EZH1: variants seen among roughly 807,000 people sequenced by gnomAD.
EZH1 encodes enhancer of zeste 1 polycomb repressive complex 2 subunit.
EZH1 carries 33 observed loss-of-function variants against 100.5 expected under a neutral mutation model. The observed-to-expected ratio is 0.33, with a 90% CI of 0.25 to 0.44. EZH1 has a LOEUF of 0.44. Among genes scored for constraint, EZH1 ranks in the 20% least tolerant of loss-of-function variants. The probability of loss-of-function intolerance (pLI) is 1.00; values close to 1 mark genes in which losing one functional copy is unlikely to be tolerated. For missense variants in EZH1, 475 were observed against 928.4 expected (o/e 0.51, Z 6.35); for synonymous variants, 272 against 313.8 (o/e 0.87, Z 1.41).
chr17:42,728,331 C>G (rs1429328335), intron 3 of EZH1, among the ~76,000 whole-genome samples: 3 of 145,010 alleles, frequency 2.1e-5, no homozygotes, highest in African/African-American at 7.7e-5. Flanking sequence ...ACAGGCTGGT[C>G]TCGAACTCCT....
rs1183408426 is a variant in EZH1 at position 42,718,416 on chromosome 17, A to C, written c.931+38T>G. On this transcript the variant is annotated intron_variant, in intron 9 of 20. Transcript: ENST00000428826. This position sits in a 1 kb window ranked among gnomAD's most constrained non-coding sequence, Gnocchi z 4.2. The stretch of plus-strand genomic sequence containing the variant: ...GAAGGAAATGGTGGCTGGGGATGGA[A>C]GAGAGGAGAGCATTTCAAACAGAGT... 1 of 1,609,370 alleles carries C rather than the reference A, an allele frequency of 6.2e-7. No homozygotes were observed. Among genetic ancestry groups the C allele is most frequent in the Non-Finnish European group, 8.5e-7 (1 of 1,177,774 alleles).
chr17:42,728,811 G>A lies in EZH1; in HGVS notation c.117+14C>T. The A allele has an allele frequency of 6.2e-7, 1 of 1,609,996 alleles. No individual in the cohort carries two copies. Among genetic ancestry groups the A allele is most frequent in the South Asian group, 1.1e-5 (1 of 90,240 alleles). On this transcript the variant is annotated intron_variant, in intron 3 of 20. Coordinates refer to ENST00000428826, the MANE Select transcript of EZH1 (RefSeq NM_001991.5). The stretch of plus-strand genomic sequence containing the variant: ...TTGAAATATATAAACTTTCACTTGG[G>A]AATTATTTTTTACCTTTGCACCCAT...
chr17:42,713,393 C>T lies in EZH1; in HGVS notation c.1024-4G>A, dbSNP rs2053528105. The T allele has an allele frequency of 6.3e-7, 1 of 1,589,572 alleles. No individual in the cohort carries two copies. Among genetic ancestry groups the T allele is most frequent in the Non-Finnish European group, 8.6e-7 (1 of 1,160,988 alleles). ...TGGCATACTCCTTTGCTCCTTCCTG[C>T]AGTGGACACATTACAGACAGGAAAT... On this transcript the variant is annotated splice_polypyrimidine_tract_variant and splice_region_variant and intron_variant, in intron 10 of 20. Transcript: ENST00000428826.
At chr17:42,704,543 G>C in intron 18 of EZH1, 59 bp downstream of exon 18, 1 of 1,403,074 alleles carries the variant, frequency 7.1e-7, no homozygotes, top group Non-Finnish European at 9.9e-7. Context: ...GCAAGACTCC[G>C]TCTCAAAAAA....
Position 42,713,334 on chromosome 17 carries a change from C to T in EZH1, c.1079G>A (p.Arg360His). ...LHNPRSKCSG[R>H]RRRRHHIVSA... ...GACTATGTGGTGCCTTCTCCGGCGA[C>T]GACCAGAGCACTTGGAGCGGGGGTT... is the stretch of plus-strand genomic sequence containing the variant. The change falls in exon 11 of 21, where the codon CGT (arginine) becomes CAT (histidine). Residue 360 changes from arginine (R) to histidine (H), a missense_variant. By Grantham distance (29) the Arg-to-His change is conservative. Around this residue, in one of 8 missense-constraint regions of EZH1, gnomAD observed 180 missense variants for 295.3 expected, o/e 0.61. Transcript: ENST00000428826. 1 of 1,612,056 alleles carries T rather than the reference C, an allele frequency of 6.2e-7. No homozygotes were observed. The highest frequency in any genetic ancestry group is 8.5e-7 in the Non-Finnish European group (1 of 1,178,250).
rs1252172630 is a variant in EZH1 at position 42,722,848 on chromosome 17, G to T, written c.434C>A (p.Thr145Asn). 1.9e-6 allele frequency: 3 copies of T among 1,613,950 alleles called. No homozygotes were observed. In the Admixed American group the frequency reaches 5.0e-5, roughly 27 times the overall value. The change falls in exon 6 of 21, where the codon ACT becomes AAT. Residue 145 changes from threonine (T) to asparagine (N), a missense_variant. Physicochemically the swap from Thr to Asn is moderately conservative, Grantham distance 65 (BLOSUM62 0). Coordinates refer to ENST00000428826, the MANE Select transcript of EZH1 (RefSeq NM_001991.5). ...GTTATTGATCAGCTCCTCAATAAAAGTCTCATCTTCTTCTTTCACTTCATC... is the reference window on the plus strand; with the variant it reads ...GTTATTGATCAGCTCCTCAATAAAATTCTCATCTTCTTCTTTCACTTCATC... ...MGDEVKEEDE[T>N]FIEELINNYD...
At position 42,718,964 on chromosome 17, in the gene EZH1, G is replaced by C. The variant is rs1377354663; in HGVS notation, c.767+141C>G. ...AAGGGGGGCATTTAGAGGTAATTGAGTAAGCAAGAAATAATCAAATTGCGG... is the reference window on the plus strand; with the variant it reads ...AAGGGGGGCATTTAGAGGTAATTGACTAAGCAAGAAATAATCAAATTGCGG... On this transcript the variant is annotated intron_variant, in intron 8 of 20. Coordinates refer to ENST00000428826, the MANE Select transcript of EZH1 (RefSeq NM_001991.5). The surrounding 1 kb of genome is among the most constrained non-coding windows in gnomAD (Gnocchi z 4.2). The C allele has an allele frequency of 5.9e-6, 4 of 680,806 alleles. No homozygotes were observed. In the South Asian group the frequency reaches 7.2e-5, roughly 12 times the overall value. 42.2% of individuals were successfully genotyped at this position (680,806 alleles called of 1,614,324 possible).
At chr17:42,735,785 A>G (rs2054053761) in intron 1 of EZH1, among the ~76,000 whole-genome samples, 1 of 152,344 alleles carries the variant, frequency 6.6e-6, no homozygotes, top group Non-Finnish European at 1.5e-5. Flanking sequence ...CAGGAGTTCG[A>G]GACCAGCCTG....
At chr17:42,739,172 G>C (rs561104093) in intron 1 of EZH1, among the ~76,000 whole-genome samples, 5 of 152,180 alleles carry the variant, frequency 3.3e-5, no homozygotes, top group African/African-American at 1.2e-4. Flanking sequence ...CACACCTTTG[G>C]GTCATTCTGG....
At chr17:42,732,535 G>A (rs772090832) in intron 1 of EZH1, among the ~76,000 whole-genome samples, 15 of 152,142 alleles carry the variant, frequency 9.9e-5, no homozygotes, top group Non-Finnish European at 2.2e-4. Context: ...TTGGGAGGCC[G>A]AGGCGGGCAG....
chr17:42,717,072 G>A (rs1000671993), intron 10 of EZH1, among the ~76,000 whole-genome samples: 3 of 152,076 alleles, frequency 2.0e-5, no homozygotes, highest in Non-Finnish European at 4.4e-5. Flanking sequence ...CTGCCATACC[G>A]CTGACTTATC....
intron 13 of EZH1, chr17:42,709,587 T>A: frequency 2.6e-6 from 1 of 384,838 alleles, no homozygotes; most frequent in Non-Finnish European, 4.7e-6. Context: ...CCAGCTCATG[T>A]CCTATTGGCC....
chr17:42,713,037 C>CAA (rs10664421), intron 11 of EZH1, among the ~76,000 whole-genome samples, 172 bp downstream of exon 11: 41,715 of 83,530 alleles, frequency 0.5, 9,396 homozygotes, highest in Non-Finnish European at 0.55. Flanking sequence ...GAGACTGTTT[C>CAA]AAAAAAAAAA....
chr17:42,735,317 G>A (rs1391140741), intron 1 of EZH1, among the ~76,000 whole-genome samples: 3 of 151,270 alleles, frequency 2.0e-5, no homozygotes, highest in Admixed American at 6.6e-5. Context: ...TCAGCCATAA[G>A]ATGAGTTTTC....
At chr17:42,741,902 G>C (rs113025290) in intron 1 of EZH1, among the ~76,000 whole-genome samples, 7,989 of 151,874 alleles carry the variant, frequency 0.053, 307 homozygotes, top group Admixed American at 0.1. Context: ...TGTTGCCCAG[G>C]CTGGTCTCAC....
At chr17:42,723,029 T>G (rs551510227) in intron 5 of EZH1, 114 bp from the exon 6 acceptor site, 14 of 1,419,638 alleles carry the variant, frequency 9.9e-6, no homozygotes, top group South Asian at 1.5e-5. Flanking sequence ...TGAAAATGCC[T>G]TTGTCCCAGA....
chr17:42,705,120 T>C lies in EZH1; in HGVS notation c.1903A>G (p.Lys635Glu). Residue 635 changes from lysine (K) to glutamate (E), a missense_variant, in exon 17 of 21, where the codon AAG becomes GAG. Lys to Glu is a moderately conservative substitution (Grantham distance 56). Coordinates refer to ENST00000428826, the MANE Select transcript of EZH1 (RefSeq NM_001991.5). ...WGTFIKESVQ[K>E]NEFISEYCGE... is the part of the protein sequence containing the mutation. ...CAGTATTCAGAAATGAATTCGTTCT[T>C]CTGCACAGACTCCTTTATGAAGGTG... is the stretch of plus-strand genomic sequence containing the variant. 6.2e-7 allele frequency: 1 copy of C among 1,613,824 alleles called. No homozygotes were observed. Among genetic ancestry groups the C allele is most frequent in the Non-Finnish European group, 8.5e-7 (1 of 1,179,854 alleles).
intron 10 of EZH1, among the ~76,000 whole-genome samples, chr17:42,714,879 TATATATA>T (rs1018957233): frequency 6.5e-5 from 9 of 138,252 alleles, no homozygotes; most frequent in African/African-American, 2.5e-4. Context: ...TTATATATTA[TATATATA>T]ATATATAATA....
Position 42,702,241 on chromosome 17 carries a change from G to A in EZH1, c.*291C>T, listed in dbSNP as rs921508993. Reference sequence around the variant, plus strand: ...GCCTGGGGAGCCGACACGAAATCACGCATAAGTCATCCACCCCAGCCTGTG... The same window carrying A: ...GCCTGGGGAGCCGACACGAAATCACACATAAGTCATCCACCCCAGCCTGTG... On this transcript the variant is annotated 3_prime_UTR_variant, in exon 21 of 21. Coordinates refer to ENST00000428826, the MANE Select transcript of EZH1 (RefSeq NM_001991.5). 7 of 348,530 alleles carry A rather than the reference G, an allele frequency of 2.0e-5. No individual in the cohort carries two copies. The highest frequency in any genetic ancestry group is 1.0e-4 in the African/African-American group (5 of 48,516). The allele number at this position is 348,530 out of a possible 1,614,324, so 21.6% of individuals were successfully genotyped here.
Sources: allele counts gnomAD v4.1 joint callset (sites outside exome capture counted in the v4.1 genomes callset), GRCh38; gene constraint gnomAD v4.1.1; regional missense constraint gnomAD v4.1.1; non-coding constraint Gnocchi (gnomAD v3.1); transcripts MANE v1.5; gene names NCBI Gene and HGNC (gene_info 2026-07-23, HGNC 2026-07-21).